CYLD: variants seen among roughly 807,000 people sequenced by gnomAD.
The protein encoded by CYLD is ubiquitin carboxyl-terminal hydrolase CYLD.
In CYLD, 26 loss-of-function variants were observed where a neutral mutation model predicts 104.5. That is an observed-to-expected ratio of 0.25 (90% confidence interval 0.18 to 0.35). The LOEUF (loss-of-function observed/expected upper bound fraction) is 0.35. Ranked by LOEUF, CYLD falls within the 10% of genes least tolerant of loss-of-function variation. The pLI, the probability that CYLD is intolerant of heterozygous loss-of-function variation, is 1.00. For missense variants in CYLD, 703 were observed against 1,136.1 expected, an observed-to-expected ratio of 0.62 and a Z score of 5.48; for synonymous variants, 385 against 399.9, an observed-to-expected ratio of 0.96 and a Z score of 0.45.
intron 14 of CYLD, among the ~76,000 whole-genome samples, chr16:50,790,259 A>C (rs757907279): frequency 4.6e-5 from 7 of 152,194 alleles, no homozygotes; most frequent in Non-Finnish European, 7.4e-5. Flanking sequence ...AGAATAAAGG[A>C]GTGGGATGCA....
In CYLD at chr16:50,757,138, C is replaced by A. The variant is rs191440928; in HGVS notation, c.913+2714C>A. 4.0e-5 allele frequency among the ~76,000 whole-genome samples: 6 copies of A among 151,396 alleles called. No homozygotes were observed. The East Asian group carries it at 9.7e-4, about 24-fold the overall frequency. Reference sequence around the variant, plus strand: ...TCAGGTCATTTCAGGTCCTCAGTTTCTTTTGTTGTAAAAATGAAAGGGCTA... The same window carrying A: ...TCAGGTCATTTCAGGTCCTCAGTTTATTTTGTTGTAAAAATGAAAGGGCTA... On this transcript the variant is annotated intron_variant, in intron 5 of 18. Transcript: ENST00000427738.
intron 14 of CYLD, among the ~76,000 whole-genome samples, chr16:50,789,667 C>T (rs1205504434): frequency 1.3e-5 from 2 of 152,048 alleles, no homozygotes; most frequent in Non-Finnish European, 2.9e-5. Context: ...AATTCTTCCC[C>T]TCCACTAGCA....
chr16:50,774,727 C>T (rs918783312), intron 5 of CYLD, among the ~76,000 whole-genome samples: 4 of 152,182 alleles, frequency 2.6e-5, no homozygotes, highest in African/African-American at 9.7e-5. Context: ...CTCAAAACAG[C>T]ATGCAACTTA....
intron 5 of CYLD, among the ~76,000 whole-genome samples, chr16:50,768,029 C>T (rs1419287875): frequency 1.3e-5 from 2 of 152,090 alleles, no homozygotes; most frequent in East Asian, 1.9e-4. Flanking sequence ...ATATCTTGGG[C>T]GTCACTTGTC....
intron 5 of CYLD, among the ~76,000 whole-genome samples, chr16:50,769,006 G>A (rs951853897): frequency 1.3e-5 from 2 of 152,022 alleles, no homozygotes; most frequent in African/African-American, 2.4e-5. Flanking sequence ...TATTTCACTC[G>A]ACATAATTAT....
intron 5 of CYLD, among the ~76,000 whole-genome samples, chr16:50,759,513 C>G (rs1471029259): frequency 6.6e-6 from 1 of 152,128 alleles, no homozygotes. Flanking sequence ...GTTTAGCCTG[C>G]TTTTGAACTT....
chr16:50,747,295 C>G (rs202136093), intron 2 of CYLD, among the ~76,000 whole-genome samples: 1 of 152,134 alleles, frequency 6.6e-6, no homozygotes, highest in Admixed American at 6.5e-5. Context: ...TGATTCGAAG[C>G]GATAAGTTGG....
At chr16:50,751,531 C>A in intron 3 of CYLD, 73 bp from the exon 4 acceptor site, 1 of 1,354,462 alleles carries the variant, frequency 7.4e-7, no homozygotes, top group Admixed American at 1.8e-5. Flanking sequence ...TTCCTGAAAT[C>A]CCTAGAGTGA....
At position 50,752,075 on chromosome 16, in the gene CYLD, C is replaced by G. The variant is rs7200535; in HGVS notation, c.807+169C>G. ...GACCAATTTACTTGCAAATTGAACA[C>G]TTTGAATATTTAACATGATCTAATT... is the stretch of plus-strand genomic sequence containing the variant. On this transcript the variant is annotated intron_variant, in intron 4 of 18. Coordinates refer to ENST00000427738, the MANE Select transcript of CYLD (RefSeq NM_001378743.1). Among the ~76,000 whole-genome samples the G allele has an allele frequency of 0.012, 1,837 of 150,268 alleles. 44 individuals are homozygous for G. Among genetic ancestry groups the G allele is most frequent in the African/African-American group, 0.043 (1,744 of 41,014 alleles).
chr16:50,774,745 C>G (rs968433953), intron 5 of CYLD, among the ~76,000 whole-genome samples: 5 of 152,260 alleles, frequency 3.3e-5, no homozygotes, highest in East Asian at 3.9e-4. Context: ...TTAAAACTTA[C>G]GAATTGTCTG....
intron 5 of CYLD, among the ~76,000 whole-genome samples, chr16:50,768,642 T>C (rs1034930054): frequency 6.6e-6 from 1 of 152,212 alleles, no homozygotes; most frequent in Admixed American, 6.5e-5. Context: ...TGCTAACATA[T>C]CTAATTTGAC....
chr16:50,785,863 A>G (rs1462586221), intron 12 of CYLD: 1 of 152,194 alleles, frequency 6.6e-6, no homozygotes, highest in Non-Finnish European at 1.5e-5. Flanking sequence ...AGTGGCTGAC[A>G]GGTTACGTTA....
intron 12 of CYLD, 63 bp from the exon 13 acceptor site, chr16:50,786,792 A>C: frequency 8.6e-7 from 1 of 1,168,290 alleles, no homozygotes; most frequent in Non-Finnish European, 1.3e-6. Flanking sequence ...GAAATATGTG[A>C]TTAAGATGTG....
intron 5 of CYLD, among the ~76,000 whole-genome samples, chr16:50,754,793 T>G (rs574406548): frequency 5.5e-4 from 83 of 151,932 alleles, no homozygotes; most frequent in African/African-American, 1.9e-3. Context: ...CCATCCAGGT[T>G]GCTGTGAATG....
chr16:50,742,344 C>T (rs1234230311), intron 1 of CYLD: 1 of 152,126 alleles, frequency 6.6e-6, no homozygotes, highest in African/African-American at 2.4e-5. Flanking sequence ...CGTTAGTTGC[C>T]CGGGCCCGAG....
At chr16:50,768,718 C>G (rs1270082021) in intron 5 of CYLD, among the ~76,000 whole-genome samples, 1 of 152,134 alleles carries the variant, frequency 6.6e-6, no homozygotes, top group Non-Finnish European at 1.5e-5. Context: ...CAAAATTATA[C>G]ATTTCGGTTT....
intron 8 of CYLD, 145 bp from the exon 9 acceptor site, chr16:50,779,520 A>G: frequency 1.4e-6 from 1 of 712,982 alleles, no homozygotes; most frequent in Non-Finnish European, 2.4e-6. Context: ...GTTGGAGATA[A>G]TAACTTTGTG....
intron 14 of CYLD, 124 bp from the exon 15 acceptor site, chr16:50,791,434 A>C (rs185818654): frequency 5.1e-5 from 48 of 935,270 alleles, no homozygotes; most frequent in Non-Finnish European, 6.6e-5. Flanking sequence ...TGTTCTGACT[A>C]TCCAAAGCTA....
intron 15 of CYLD, 140 bp downstream of exon 15, chr16:50,791,830 G>A (rs536779434): frequency 4.1e-6 from 4 of 964,592 alleles, no homozygotes; most frequent in Non-Finnish European, 6.4e-6. Flanking sequence ...ATTTTAAAAA[G>A]TATGCAGTGT....
Sources: allele counts gnomAD v4.1 joint callset (sites outside exome capture counted in the v4.1 genomes callset), GRCh38; gene constraint gnomAD v4.1.1; transcripts MANE v1.5; gene names NCBI Gene and HGNC (gene_info 2026-07-23, HGNC 2026-07-21).